SCAF8: variants seen among roughly 807,000 people sequenced by gnomAD.
The protein encoded by SCAF8 is SR-related and CTD-associated factor 8.
In SCAF8, 23 loss-of-function variants were observed where a neutral mutation model predicts 140.5. That is an observed-to-expected ratio of 0.16 (90% confidence interval 0.12 to 0.23). The LOEUF (loss-of-function observed/expected upper bound fraction) is 0.23. Among genes scored for constraint, SCAF8 ranks in the 10% least tolerant of loss-of-function variants. SCAF8 has a pLI of 1.00. For synonymous variants in SCAF8, 575 were observed against 528.9 expected, an observed-to-expected ratio of 1.09 and a Z score of -1.20; for missense variants, 1,397 against 1,555.7, an observed-to-expected ratio of 0.90 and a Z score of 1.72.
In SCAF8 at chr6:154,795,129, A is replaced by G. The variant is rs1401966802; in HGVS notation, c.596A>G (p.Gln199Arg). The G allele has an allele frequency of 1.9e-6, 3 of 1,599,390 alleles. No individual in the cohort carries two copies. Among genetic ancestry groups the G allele is most frequent in the East Asian group, 2.3e-5 (1 of 43,798 alleles). Reference protein sequence around the residue: ...AAVAQILQSPQGQQLQQLIQT... With the variant: ...AAVAQILQSPRGQQLQQLIQT... ...GTAGCTCAGATCTTGCAAAGTCCTC[A>G]AGGCCAGCAGGTGAGCGGTTTTTCT... The change falls in exon 6 of 20, where the codon CAA becomes CGA. Residue 199 changes from glutamine (Q) to arginine (R), a missense_variant. Transcript: ENST00000367178.
At chr6:154,757,909 CTTTT>C (rs750337401) in intron 1 of SCAF8, among the ~76,000 whole-genome samples, 3 of 132,648 alleles carry the variant, frequency 2.3e-5, no homozygotes, top group African/African-American at 2.7e-5. Context: ...GTAAGTTTCA[CTTTT>C]TTTTTTTTTT....
At chr6:154,811,101 A>G (rs1778076513) in intron 12 of SCAF8, among the ~76,000 whole-genome samples, 1 of 152,114 alleles carries the variant, frequency 6.6e-6, no homozygotes, top group South Asian at 2.1e-4. Flanking sequence ...CATGAATTTT[A>G]CCTGGTTGTG....
At chr6:154,788,066 CAGT>C (rs777295077) in intron 4 of SCAF8, 44 bp downstream of exon 4, 12 of 1,498,548 alleles carry the variant, frequency 8.0e-6, no homozygotes, top group Non-Finnish European at 1.1e-5. Context: ...AAAGTAGATA[CAGT>C]AGCCTCTTGG....
intron 1 of SCAF8, chr6:154,742,139 T>C (rs957633970): frequency 4.3e-5 from 27 of 621,824 alleles, no homozygotes; most frequent in Non-Finnish European, 7.3e-5. Flanking sequence ...AGTTTGTCAC[T>C]TAGAATAGAT....
chr6:154,733,764 C>G lies in SCAF8; in HGVS notation c.-137C>G. ...CCAGCGCGTGCCCTTCCACTCCGCC[C>G]CGAGGTCGCAGCGGCCCGCTCTCCC... On this transcript the variant is annotated 5_prime_UTR_variant, in exon 1 of 20. Transcript: ENST00000367178. 1 of 1,363,108 alleles carries G rather than the reference C, an allele frequency of 7.3e-7. No homozygotes were observed. The highest frequency in any genetic ancestry group is 1.8e-5 in the South Asian group (1 of 55,402). The allele number at this position is 1,363,108 out of a possible 1,614,324, so 84.4% of individuals were successfully genotyped here. A position where few individuals can be genotyped will look rare whatever the true frequency, so the allele number is the denominator to read the frequency against.
chr6:154,789,030 TTAAG>T (rs1470164808), intron 4 of SCAF8, among the ~76,000 whole-genome samples: 5 of 152,212 alleles, frequency 3.3e-5, no homozygotes, highest in Admixed American at 2.0e-4. Context: ...TATAACAAGA[TTAAG>T]TAGTTATTTT....
chr6:154,823,103 A>G (rs999900302), intron 16 of SCAF8, among the ~76,000 whole-genome samples: 4 of 152,190 alleles, frequency 2.6e-5, no homozygotes, highest in Non-Finnish European at 5.9e-5. Context: ...AACCAGTGCA[A>G]AGGTCCCACA....
intron 4 of SCAF8, among the ~76,000 whole-genome samples, chr6:154,791,215 A>G (rs1480567092): frequency 2.0e-5 from 3 of 152,336 alleles, no homozygotes; most frequent in South Asian, 4.1e-4. Context: ...AGGAAGACAT[A>G]TAAGTAGGAA....
intron 9 of SCAF8, 75 bp downstream of exon 9, chr6:154,805,561 C>CT (rs555378273): frequency 0.036 from 16,994 of 468,078 alleles, 2 homozygotes; most frequent in East Asian, 0.049. Context: ...TGTGGGTTGG[C>CT]TTTTTTTTTT....
chr6:154,812,239 C>T (rs2114654276), intron 12 of SCAF8, among the ~76,000 whole-genome samples: 1 of 129,392 alleles, frequency 7.7e-6, no homozygotes, highest in East Asian at 2.2e-4. Context: ...TGTTGAGTAC[C>T]TCTCTTGGCA....
chr6:154,819,780 G>A (rs574936003), intron 14 of SCAF8, among the ~76,000 whole-genome samples: 1 of 152,290 alleles, frequency 6.6e-6, no homozygotes, highest in South Asian at 2.1e-4. Context: ...GTGAGGCACA[G>A]TGGCTCACAC....
intron 17 of SCAF8, chr6:154,825,136 T>G (rs1778528033): frequency 6.6e-6 from 1 of 152,208 alleles, no homozygotes; most frequent in African/African-American, 2.4e-5. Context: ...TAATTGAATT[T>G]GTAATACTTT....
At chr6:154,734,819 G>T (rs1385290590) in intron 1 of SCAF8, among the ~76,000 whole-genome samples, 1 of 152,098 alleles carries the variant, frequency 6.6e-6, no homozygotes, top group Non-Finnish European at 1.5e-5. Context: ...ATCCCTACCC[G>T]TACGCCTTGG....
chr6:154,762,181 A>T (rs748785577), intron 1 of SCAF8, among the ~76,000 whole-genome samples: 35 of 152,214 alleles, frequency 2.3e-4, no homozygotes, highest in Non-Finnish European at 4.0e-4. Context: ...GCTTGTGGCT[A>T]AAAACAGCAT....
intron 5 of SCAF8, among the ~76,000 whole-genome samples, chr6:154,794,536 ATTAG>A (rs543587847): frequency 2.6e-4 from 39 of 152,220 alleles, no homozygotes; most frequent in South Asian, 6.2e-4. Flanking sequence ...ATAGTTTATT[ATTAG>A]TTAGTGTTGT....
intron 12 of SCAF8, 60 bp from the exon 13 acceptor site, chr6:154,815,655 CT>C (rs1330529691): frequency 6.6e-5 from 58 of 878,470 alleles, no homozygotes; most frequent in Non-Finnish European, 1.0e-4. Context: ...TCCTCAATTA[CT>C]TTTCAAAGAA....
chr6:154,774,178 G>A (rs1776852984), intron 2 of SCAF8, 106 bp downstream of exon 2: 3 of 765,824 alleles, frequency 3.9e-6, no homozygotes, highest in South Asian at 3.5e-5. Flanking sequence ...TCACTTTACA[G>A]TGTTAACACA....
rs775572313 is a variant in SCAF8 at position 154,832,543 on chromosome 6, A to G, written c.2964A>G (p.Arg988=). ...AAAGACCTTTTTTAGCTCCTGGAAGACAAAGCGTAGACAATGTTACTAACC... is the reference window on the plus strand; with the variant it reads ...AAAGACCTTTTTTAGCTCCTGGAAGGCAAAGCGTAGACAATGTTACTAACC... ...QPERPFLAPG[R]QSVDNVTNPE... Residue 988 remains arginine, a synonymous_variant, in exon 20 of 20, where the codon AGA becomes AGG. Coordinates refer to ENST00000367178, the MANE Select transcript of SCAF8 (RefSeq NM_014892.5). 1.2e-6 allele frequency: 2 copies of G among 1,614,060 alleles called. No individual in the cohort carries two copies. The highest frequency in any genetic ancestry group is 1.1e-5 in the South Asian group (1 of 91,064).
intron 6 of SCAF8, among the ~76,000 whole-genome samples, chr6:154,796,360 T>G (rs910610738): frequency 1.6e-5 from 2 of 126,866 alleles, no homozygotes; most frequent in Non-Finnish European, 3.2e-5. Flanking sequence ...CTGTTCTCTC[T>G]CTCTCTCTCT....
Sources: allele counts gnomAD v4.1 joint callset (sites outside exome capture counted in the v4.1 genomes callset), GRCh38; gene constraint gnomAD v4.1.1; transcripts MANE v1.5; gene names NCBI Gene and HGNC (gene_info 2026-07-23, HGNC 2026-07-21).